Variants in BUD13 observed in about 807,000 individuals in gnomAD.
The protein encoded by BUD13 is BUD13 homolog.
In BUD13, 47 loss-of-function variants were observed where a neutral mutation model predicts 62.5. The observed-to-expected ratio is 0.75, with a 90% CI of 0.60 to 0.96. The LOEUF (loss-of-function observed/expected upper bound fraction) is 0.96, where lower values mean the gene tolerates loss of function less well. BUD13 is among the 40% of genes least tolerant of loss of function. The pLI, the probability that BUD13 is intolerant of heterozygous loss-of-function variation, is 0.00. For synonymous variants in BUD13, 293 were observed against 280.1 expected (o/e 1.05, Z -0.46); for missense variants, 821 against 790.9 (o/e 1.04, Z -0.46).
rs745662732 is a variant in BUD13 at position 116,765,344 on chromosome 11, T to C, written c.322+18A>G. 1.9e-6 allele frequency: 3 copies of C among 1,612,860 alleles called. No individual in the cohort carries two copies. Among genetic ancestry groups the C allele is most frequent in the East Asian group, 2.2e-5 (1 of 44,888 alleles). Reference sequence around the variant, plus strand: ...CCCTACTAATGGAAATTTAGATTTATCTATTGTTGGAACTCACCTCCCAGA... The same window carrying C: ...CCCTACTAATGGAAATTTAGATTTACCTATTGTTGGAACTCACCTCCCAGA... On this transcript the variant is annotated intron_variant, in intron 3 of 9. Transcript: ENST00000260210.
chr11:116,758,749 G>C (rs907284855), intron 6 of BUD13, among the ~76,000 whole-genome samples: 1 of 151,782 alleles, frequency 6.6e-6, no homozygotes. Context: ...CACCATGCCT[G>C]GCTAGTTTTT....
At position 116,763,008 on chromosome 11, in the gene BUD13, C is replaced by T. The variant is rs144776650; in HGVS notation, c.581G>A (p.Arg194His). The change falls in exon 4 of 10, where the codon CGT (arginine) becomes CAT (histidine). Residue 194 changes from arginine (R) to histidine (H), a missense_variant. Physicochemically the swap from Arg to His is conservative, Grantham distance 29. Transcript: ENST00000260210. ...GGGAGAAGGATCTGGAGAATCATGACGGGCCCTCCTTGGGGGTGAAGTGTC... is the reference window on the plus strand; with the variant it reads ...GGGAGAAGGATCTGGAGAATCATGATGGGCCCTCCTTGGGGGTGAAGTGTC... ...SSDTSPPRRA[R>H]HDSPDPSPPR... is the part of the protein sequence containing the mutation. 5,863 of 1,613,728 alleles carry T rather than the reference C, an allele frequency of 3.6e-3. 18 individuals carry two copies. Among genetic ancestry groups the T allele is most frequent in the Non-Finnish European group, 4.3e-3 (5,100 of 1,179,866 alleles).
chr11:116,751,618 G>A (rs775891351), intron 9 of BUD13, among the ~76,000 whole-genome samples: 8 of 151,602 alleles, frequency 5.3e-5, no homozygotes, highest in African/African-American at 1.2e-4. Context: ...CAACAAGAGC[G>A]AAATTCCGTC....
In BUD13 at chr11:116,748,286, G is replaced by A. The variant is rs1940174826; in HGVS notation, c.*196C>T. 7.9e-6 allele frequency: 4 copies of A among 506,232 alleles called. No individual in the cohort carries two copies. The Admixed American group carries it at 1.1e-4, about 14-fold the overall frequency. 31.4% of individuals were successfully genotyped at this position (506,232 alleles called of 1,614,324 possible). A position where few individuals can be genotyped will look rare whatever the true frequency, so the allele number is the denominator to read the frequency against. On this transcript the variant is annotated 3_prime_UTR_variant, in exon 10 of 10. Transcript: ENST00000260210. ...CCTCTGAAAGCCAGCAACAGCCGGT[G>A]CTGTCACACCCAAGAAGTACAGGTA...
rs1315572967 is a variant in BUD13, at chr11:116,765,557, A to G, written c.238-111T>C. On this transcript the variant is annotated intron_variant, in intron 2 of 9. Transcript: ENST00000260210. Reference sequence around the variant, plus strand: ...TCCGATTCCTAACACAAGGGCGTACATATATCCAAAATGGTCATGAAGAAG... The same window carrying G: ...TCCGATTCCTAACACAAGGGCGTACGTATATCCAAAATGGTCATGAAGAAG... 5 of 1,098,516 alleles carry G rather than the reference A, an allele frequency of 4.6e-6. No individual in the cohort carries two copies. In the Admixed American group the frequency reaches 7.8e-5, roughly 17 times the overall value. The allele number at this position is 1,098,516 out of a possible 1,614,324, so 68.0% of individuals were successfully genotyped here.
chr11:116,772,729 G>A lies in BUD13; in HGVS notation c.143+93C>T, dbSNP rs187151418. The A allele has an allele frequency of 6.8e-4, 954 of 1,398,284 alleles. 4 individuals are homozygous for A. The African/African-American group carries it at 0.013, about 19-fold the overall frequency. 86.6% of individuals were successfully genotyped at this position (1,398,284 alleles called of 1,614,324 possible). A position where few individuals can be genotyped will look rare whatever the true frequency, so the allele number is the denominator to read the frequency against. ...GGTCGGCGGAGAAGCCGAGAGACCCGCCAAGAGGGAAGGAACTGCCGGGCG... is the reference window on the plus strand; with the variant it reads ...GGTCGGCGGAGAAGCCGAGAGACCCACCAAGAGGGAAGGAACTGCCGGGCG... On this transcript the variant is annotated intron_variant, in intron 1 of 9. Transcript: ENST00000260210.
chr11:116,770,315 A>C, intron 1 of BUD13, 93 bp from the exon 2 acceptor site: 1 of 1,052,544 alleles, frequency 9.5e-7, no homozygotes, highest in Non-Finnish European at 1.4e-6. Context: ...TCAAAATCCT[A>C]CAGGATCCTG....
At chr11:116,771,678 C>T (rs893109038) in intron 1 of BUD13, among the ~76,000 whole-genome samples, 1 of 152,092 alleles carries the variant, frequency 6.6e-6, no homozygotes, top group Non-Finnish European at 1.5e-5. Flanking sequence ...CATCACATGG[C>T]ACTGCCTCCA....
chr11:116,767,590 CAAAAAAAAAAA>C (rs57036085), intron 2 of BUD13, among the ~76,000 whole-genome samples: 11 of 80,706 alleles, frequency 1.4e-4, no homozygotes, highest in Admixed American at 4.8e-4. Flanking sequence ...GAGACTCCAC[CAAAAAAAAAAA>C]AAAAAAAAAA....
chr11:116,765,592 G>T, intron 2 of BUD13, 146 bp from the exon 3 acceptor site: 1 of 719,370 alleles, frequency 1.4e-6, no homozygotes. Flanking sequence ...GTAAGTAGGG[G>T]TCTTCAGTTA....
chr11:116,759,131 T>C lies in BUD13; in HGVS notation c.1303A>G (p.Ile435Val). 1 of 1,614,184 alleles carries C rather than the reference T, an allele frequency of 6.2e-7. No individual in the cohort carries two copies. Among genetic ancestry groups the C allele is most frequent in the Non-Finnish European group, 8.5e-7 (1 of 1,180,028 alleles). ...GAKTGLVLTD[I>V]QREQQELKEQ... ...TTGAGCTCCTGCTGTTCTCGCTGTA[T>C]GTCAGTTAACACCAACCCAGTTTTA... Residue 435 changes from isoleucine to valine, a missense_variant, in exon 6 of 10, where the codon ATA becomes GTA. By Grantham distance (29) the Ile-to-Val change is conservative. Around this residue, in one of 2 missense-constraint regions of BUD13, gnomAD observed 800 missense variants for 739.2 expected, o/e 1.08. Coordinates refer to ENST00000260210, the MANE Select transcript of BUD13 (RefSeq NM_032725.4).
intron 7 of BUD13, among the ~76,000 whole-genome samples, 158 bp from the exon 8 acceptor site, chr11:116,758,108 T>C (rs1940363758): frequency 6.6e-6 from 1 of 152,218 alleles, no homozygotes; most frequent in South Asian, 2.1e-4. Flanking sequence ...ACTAGAAGCG[T>C]GGAATATATC....
chr11:116,758,180 C>CATA, intron 7 of BUD13, 89 bp downstream of exon 7: 2 of 1,554,136 alleles, frequency 1.3e-6, no homozygotes, highest in Non-Finnish European at 1.7e-6. Flanking sequence ...GCTCTGAAGG[C>CATA]ATAATAAGAA....
chr11:116,766,043 T>A (rs537990957), intron 2 of BUD13, among the ~76,000 whole-genome samples: 1 of 152,340 alleles, frequency 6.6e-6, no homozygotes, highest in South Asian at 2.1e-4. Flanking sequence ...AATCCCTTCC[T>A]GACAAGGAAC....
At chr11:116,764,577 G>A (rs1025500132) in intron 3 of BUD13, among the ~76,000 whole-genome samples, 1 of 152,164 alleles carries the variant, frequency 6.6e-6, no homozygotes, top group Non-Finnish European at 1.5e-5. Flanking sequence ...GTGTGTATGT[G>A]TGTGTCTGTG....
chr11:116,767,590 C>CAAAAA (rs57036085), intron 2 of BUD13, among the ~76,000 whole-genome samples: 25 of 80,688 alleles, frequency 3.1e-4, no homozygotes, highest in East Asian at 3.9e-4. Context: ...GAGACTCCAC[C>CAAAAA]AAAAAAAAAA....
In BUD13 at chr11:116,759,802, A is replaced by T. The variant is rs75955612; in HGVS notation, c.1255-623T>A. ...TGAAACAGAGACCTCTTTTTTCCCT[A>T]AAAAAGAAGAATCTCACTTCCTGGG... On this transcript the variant is annotated intron_variant, in intron 5 of 9. Coordinates refer to ENST00000260210, the MANE Select transcript of BUD13 (RefSeq NM_032725.4). 1.7e-3 allele frequency among the ~76,000 whole-genome samples: 256 copies of T among 152,242 alleles called. 5 individuals carry two copies. The East Asian group carries it at 0.042, about 25-fold the overall frequency.
chr11:116,754,643 GT>G (rs2134172896), intron 9 of BUD13, among the ~76,000 whole-genome samples: 1 of 152,298 alleles, frequency 6.6e-6, no homozygotes, highest in Non-Finnish European at 1.5e-5. Flanking sequence ...TAATAAATGT[GT>G]TGTAAAAACT....
chr11:116,754,962 A>T (rs1290383455), intron 9 of BUD13, among the ~76,000 whole-genome samples: 1 of 152,234 alleles, frequency 6.6e-6, no homozygotes, highest in Non-Finnish European at 1.5e-5. Flanking sequence ...GTAACAATTT[A>T]AAAAAGTGAC....
Sources: allele counts gnomAD v4.1 joint callset (sites outside exome capture counted in the v4.1 genomes callset), GRCh38; gene constraint gnomAD v4.1.1; regional missense constraint gnomAD v4.1.1; transcripts MANE v1.5; gene names NCBI Gene and HGNC (gene_info 2026-07-23, HGNC 2026-07-21).